The following ABHD2 variants were observed in gnomAD, a reference collection of about 807,000 sequenced individuals.
The protein encoded by ABHD2 is abhydrolase domain containing 2, acylglycerol lipase, also known as monoacylglycerol lipase ABHD2.
In ABHD2, 20 loss-of-function variants were observed where a neutral mutation model predicts 48.1. That is an observed-to-expected ratio of 0.42 (90% confidence interval 0.29 to 0.60). The LOEUF is 0.60. ABHD2 is among the 20% of genes least tolerant of loss of function. The pLI, the probability that ABHD2 is intolerant of heterozygous loss-of-function variation, is 0.24. For missense variants in ABHD2, 405 were observed against 550.9 expected, an observed-to-expected ratio of 0.74 and a Z score of 2.65; for synonymous variants, 209 against 214.2, an observed-to-expected ratio of 0.98 and a Z score of 0.21.
At chr15:89,053,601 T>C in the ABHD2 span, among the ~76,000 whole-genome samples, 6 of 151,874 alleles carry the variant, frequency 4.0e-5, no homozygotes, top group African/African-American at 1.5e-4. Context: ...TCAAAGAAGG[T>C]GGACACAGGA....
At chr15:89,117,711 C>T (rs961651474) in intron 3 of ABHD2, among the ~76,000 whole-genome samples, 4 of 152,208 alleles carry the variant, frequency 2.6e-5, no homozygotes, top group Non-Finnish European at 5.9e-5. Flanking sequence ...TCCCTGCATC[C>T]TGATAGCACC....
chr15:89,093,202 CAG>C (rs1901668962), intron 1 of ABHD2, among the ~76,000 whole-genome samples: 2 of 101,166 alleles, frequency 2.0e-5, no homozygotes, highest in Non-Finnish European at 3.7e-5. Context: ...TTTTTTGAGA[CAG>C]AGTCTCACTT....
At chr15:89,048,624 C>T in the ABHD2 span, among the ~76,000 whole-genome samples, 4 of 151,864 alleles carry the variant, frequency 2.6e-5, no homozygotes, top group African/African-American at 9.7e-5. Context: ...TCTAAACTTC[C>T]CTTCTCTCTT....
At chr15:89,142,047 G>C (rs2050411247) in intron 3 of ABHD2, among the ~76,000 whole-genome samples, 1 of 152,202 alleles carries the variant, frequency 6.6e-6, no homozygotes, top group African/African-American at 2.4e-5. Context: ...GCATCTGTCT[G>C]TCCTTATCAT....
At position 89,164,838 on chromosome 15, in the gene ABHD2, A is replaced by G. The variant is rs532317516; in HGVS notation, c.538+9304A>G. On this transcript the variant is annotated intron_variant, in intron 5 of 10. Coordinates refer to ENST00000352732, the MANE Select transcript of ABHD2 (RefSeq NM_152924.5). This position sits in a 1 kb window ranked among gnomAD's most constrained non-coding sequence, Gnocchi z 5.0. The stretch of plus-strand genomic sequence containing the variant: ...GGCATAGAGTCCAGCAAATACCAGT[A>G]AACAATAACGATTATCATCTTCATT... Among the ~76,000 whole-genome samples, 5 of 152,144 alleles carry G rather than the reference A, an allele frequency of 3.3e-5. No individual in the cohort carries two copies. In the South Asian group the frequency reaches 1.0e-3, roughly 32 times the overall value.
At chr15:89,070,680 G>A in the ABHD2 span, among the ~76,000 whole-genome samples, 14 of 152,152 alleles carry the variant, frequency 9.2e-5, no homozygotes, top group South Asian at 6.2e-4. Flanking sequence ...ATTGGTCAAG[G>A]TTACACAGTG....
rs1034994954 is a variant in ABHD2 at position 89,197,505 on chromosome 15, G to C, written c.*2082G>C. 1.3e-5 allele frequency: 2 copies of C among 152,344 alleles called. No homozygotes were observed. The highest frequency in any genetic ancestry group is 4.8e-5 in the African/African-American group (2 of 41,404). 9.4% of individuals were successfully genotyped at this position (152,344 alleles called of 1,614,324 possible). Reference sequence around the variant, plus strand: ...CTTCATTTATCAAGACTTTTTATGAGAATAGGTAAACCAAGCAATAACTTC... The same window carrying C: ...CTTCATTTATCAAGACTTTTTATGACAATAGGTAAACCAAGCAATAACTTC... On this transcript the variant is annotated 3_prime_UTR_variant, in exon 11 of 11. Transcript: ENST00000352732. The surrounding 1 kb of genome is among the most constrained non-coding windows in gnomAD (Gnocchi z 4.4).
the ABHD2 span, among the ~76,000 whole-genome samples, chr15:89,068,752 C>CAG: frequency 7.7e-3 from 653 of 85,136 alleles, 8 homozygotes; most frequent in African/African-American, 0.03. Context: ...GGCAAGCTTC[C>CAG]TCTTTTTTTT....
chr15:89,059,238 G>T, the ABHD2 span, among the ~76,000 whole-genome samples: 2 of 152,170 alleles, frequency 1.3e-5, no homozygotes, highest in Non-Finnish European at 2.9e-5. Flanking sequence ...GATCCAGGAA[G>T]AGGGGTACAT....
chr15:89,151,018 C>T lies in ABHD2; in HGVS notation c.195-659C>T, dbSNP rs2050581689. 6.6e-6 allele frequency among the ~76,000 whole-genome samples: 1 copy of T among 152,216 alleles called. No homozygotes were observed. The highest frequency in any genetic ancestry group is 1.5e-5 in the Non-Finnish European group (1 of 68,042). On this transcript the variant is annotated intron_variant, in intron 3 of 10. Transcript: ENST00000352732. This position sits in a 1 kb window ranked among gnomAD's most constrained non-coding sequence, Gnocchi z 4.7. ...GTCACTCTGTGTTTTTACAATGCAC[C>T]GTTGTTAGCGAGGCTTCATGCCTTG...
chr15:89,140,084 AAG>A (rs998188214), intron 3 of ABHD2, among the ~76,000 whole-genome samples: 4 of 152,268 alleles, frequency 2.6e-5, no homozygotes, highest in African/African-American at 9.6e-5. Context: ...GTTTTGCAGA[AAG>A]AGAGGGGAGT....
rs1303944361 is a variant in ABHD2 at position 89,199,406 on chromosome 15, T to G, written c.*3983T>G. ...ATTTCACTGTAGCATTCTATCACAA[T>G]ATCATCTGGAATTGTTTTCTTTGCC... On this transcript the variant is annotated 3_prime_UTR_variant, in exon 11 of 11. Transcript: ENST00000352732. The surrounding 1 kb of genome is among the most constrained non-coding windows in gnomAD (Gnocchi z 4.1). 1 of 152,612 alleles carries G rather than the reference T, an allele frequency of 6.6e-6. No individual in the cohort carries two copies. Among genetic ancestry groups the G allele is most frequent in the African/African-American group, 2.4e-5 (1 of 41,434 alleles). 9.5% of individuals were successfully genotyped at this position (152,612 alleles called of 1,614,324 possible).
In ABHD2 at chr15:89,185,934, C is replaced by A. The variant is rs1596159085; in HGVS notation, c.815+418C>A. Among the ~76,000 whole-genome samples, 1 of 152,292 alleles carries A rather than the reference C, an allele frequency of 6.6e-6. No individual in the cohort carries two copies. Among genetic ancestry groups the A allele is most frequent in the East Asian group, 1.9e-4 (1 of 5,178 alleles). On this transcript the variant is annotated intron_variant, in intron 7 of 10. Transcript: ENST00000352732. This position sits in a 1 kb window ranked among gnomAD's most constrained non-coding sequence, Gnocchi z 5.9. The stretch of plus-strand genomic sequence containing the variant: ...GCGAGCCAAGATTGCGCCAATGCAC[C>A]CCAGCCTGGGTGACAGAGCGAGACC...
intron 5 of ABHD2, among the ~76,000 whole-genome samples, chr15:89,157,850 T>TA (rs974632738): frequency 2.0e-5 from 3 of 150,542 alleles, no homozygotes; most frequent in Admixed American, 6.6e-5. Context: ...CTCAAAAAAT[T>TA]AAAAAAAATA....
chr15:89,156,073 C>T (rs1187306483), intron 5 of ABHD2, among the ~76,000 whole-genome samples: 3 of 145,044 alleles, frequency 2.1e-5, no homozygotes, highest in African/African-American at 7.5e-5. Context: ...GTTGTGGTGG[C>T]TCATGCCTGT....
intron 3 of ABHD2, among the ~76,000 whole-genome samples, chr15:89,147,134 G>C (rs2050505053): frequency 1.3e-5 from 2 of 152,076 alleles, no homozygotes; most frequent in Non-Finnish European, 2.9e-5. Context: ...TTGAGAACTT[G>C]GTGTATATTA....
chr15:89,063,523 C>T, the ABHD2 span, among the ~76,000 whole-genome samples: 1 of 152,116 alleles, frequency 6.6e-6, no homozygotes, highest in African/African-American at 2.4e-5. Flanking sequence ...CTCTCTCTCT[C>T]TCTCACACAT....
chr15:89,089,935 CTCTA>C (rs1340191429), intron 1 of ABHD2, among the ~76,000 whole-genome samples: 1 of 152,140 alleles, frequency 6.6e-6, no homozygotes, highest in African/African-American at 2.4e-5. Flanking sequence ...TAGAGCTCAT[CTCTA>C]TCTAAGTCTA....
chr15:89,135,542 C>A, intron 3 of ABHD2: 1 of 1,399,930 alleles, frequency 7.1e-7, no homozygotes, highest in Non-Finnish European at 9.9e-7. Context: ...CTAGAACCAA[C>A]TTATTCATCA....
Sources: gnomAD v4.1 joint callset for allele counts (sites outside exome capture counted in the v4.1 genomes callset) on GRCh38, gnomAD v4.1.1 for gene constraint, Gnocchi (gnomAD v3.1) non-coding constraint, MANE v1.5 for transcripts, NCBI Gene and HGNC (gene_info 2026-07-23, HGNC 2026-07-21) for gene names.